The following AP1M1 variants were observed in gnomAD, a reference collection of about 807,000 sequenced individuals.
AP1M1 encodes adaptor related protein complex 1 subunit mu 1, also known as AP-1 complex subunit mu-1.
A neutral mutation model predicts 57.1 loss-of-function variants in AP1M1; 18 were observed. The observed-to-expected ratio is 0.32, with a 90% CI of 0.22 to 0.47. AP1M1 has a LOEUF of 0.47. AP1M1 is among the 20% of genes least tolerant of loss of function. The pLI is 1.00. For missense variants in AP1M1, 362 were observed against 593.5 expected (o/e 0.61, Z 4.05); for synonymous variants, 241 against 237.9 (o/e 1.01, Z -0.12).
chr19:16,197,975 T>TCGCTGCCGCCGCCACCGCCCTCTGC lies in AP1M1; in HGVS notation c.-30_-29insTGCCGCTGCCGCCGCCACCGCCCTC. 2.1e-6 allele frequency: 3 copies of TCGCTGCCGCCGCCACCGCCCTCTGC among 1,451,818 alleles called. No homozygotes were observed. Among genetic ancestry groups the TCGCTGCCGCCGCCACCGCCCTCTGC allele is most frequent in the Non-Finnish European group, 2.8e-6 (3 of 1,087,932 alleles). The allele number at this position is 1,451,818 out of a possible 1,614,324, so 89.9% of individuals were successfully genotyped here. A position where few individuals can be genotyped will look rare whatever the true frequency, so the allele number is the denominator to read the frequency against. ...GCTCAACGCCCAGCAGTCCCCACCGTCGCTGCCGCCGCCACCGCCCTCGGC... is the reference window on the plus strand; with the variant it reads ...GCTCAACGCCCAGCAGTCCCCACCGTCGCTGCCGCCGCCACCGCCCTCTGCCGCTGCCGCCGCCACCGCCCTCGGC... On this transcript the variant is annotated 5_prime_UTR_variant, in exon 1 of 12. Transcript: ENST00000291439.
chr19:16,224,330 G>A (rs2091560462), intron 5 of AP1M1, among the ~76,000 whole-genome samples: 1 of 152,220 alleles, frequency 6.6e-6, no homozygotes, highest in South Asian at 2.1e-4. Context: ...CTAGGGCTGC[G>A]GGGGTCCCCG....
intron 5 of AP1M1, among the ~76,000 whole-genome samples, chr19:16,224,897 C>T (rs2091564499): frequency 6.6e-6 from 1 of 152,172 alleles, no homozygotes; most frequent in South Asian, 2.1e-4. Flanking sequence ...CTGAGCACCT[C>T]CTGCCACACA....
intron 4 of AP1M1, chr19:16,208,736 C>G (rs1432456570): frequency 3.2e-6 from 1 of 315,376 alleles, no homozygotes; most frequent in Non-Finnish European, 5.9e-6. Flanking sequence ...GCAGCTCACA[C>G]CCACTTCTTG....
At chr19:16,216,221 G>A (rs1209045155) in intron 5 of AP1M1, among the ~76,000 whole-genome samples, 1 of 152,054 alleles carries the variant, frequency 6.6e-6, no homozygotes, top group Non-Finnish European at 1.5e-5. Context: ...CAAGGTGGGC[G>A]GATCACAAGG....
Position 16,234,470 on chromosome 19 carries a change from TCCTGGTGGCAGCACCAGGGGACACA to T in AP1M1, c.*40_*64del. Reference sequence around the variant, plus strand: ...GCAGCCAACACCCCGGCCTCGGGGCTCCTGGTGGCAGCACCAGGGGACACACCTGCCAAACCCACCAGATGGAGGG... The same window carrying T: ...GCAGCCAACACCCCGGCCTCGGGGCTCCTGCCAAACCCACCAGATGGAGGG... On this transcript the variant is annotated 3_prime_UTR_variant, in exon 12 of 12. Coordinates refer to ENST00000291439, the MANE Select transcript of AP1M1 (RefSeq NM_032493.4). 6.2e-7 allele frequency: 1 copy of T among 1,612,704 alleles called. No homozygotes were observed. Among genetic ancestry groups the T allele is most frequent in the Non-Finnish European group, 8.5e-7 (1 of 1,179,694 alleles).
chr19:16,226,898 G>A (rs1458021437), intron 6 of AP1M1, among the ~76,000 whole-genome samples: 13 of 152,190 alleles, frequency 8.5e-5, no homozygotes, highest in Non-Finnish European at 1.5e-4. Flanking sequence ...CCCTAGGTGT[G>A]GGCCGTGTGA....
rs2091614834 is a variant in AP1M1, at chr19:16,234,437, G to A, written c.*2G>A. ...GATTACCAGCTCCGGACCCAGTGAG[G>A]GGCTGTCGCAGCCAACACCCCGGCC... On this transcript the variant is annotated 3_prime_UTR_variant, in exon 12 of 12. Transcript: ENST00000291439. The A allele has an allele frequency of 3.7e-6, 6 of 1,613,582 alleles. No individual in the cohort carries two copies. The South Asian group carries it at 4.4e-5, about 12-fold the overall frequency.
chr19:16,201,139 C>T (rs2091445121), intron 1 of AP1M1, among the ~76,000 whole-genome samples: 1 of 152,190 alleles, frequency 6.6e-6, no homozygotes, highest in South Asian at 2.1e-4. Context: ...TTATCCTCGC[C>T]TCCTTTGTCT....
In AP1M1 at chr19:16,207,356, T is replaced by C. The variant is rs1416981531; in HGVS notation, c.268-663T>C. On this transcript the variant is annotated intron_variant, in intron 3 of 11. Coordinates refer to ENST00000291439, the MANE Select transcript of AP1M1 (RefSeq NM_032493.4). This position sits in a 1 kb window ranked among gnomAD's most constrained non-coding sequence, Gnocchi z 4.2. ...AGGGCTGCCTTCACTGGACCGGTGA[T>C]GCTGTCACAGGCAGGGCTGGGCCTG... Among the ~76,000 whole-genome samples, 5 of 151,836 alleles carry C rather than the reference T, an allele frequency of 3.3e-5. No homozygotes were observed. The highest frequency in any genetic ancestry group is 1.3e-4 in the Admixed American group (2 of 15,254).
chr19:16,212,211 G>T (rs2091497580), intron 5 of AP1M1, among the ~76,000 whole-genome samples: 2 of 152,112 alleles, frequency 1.3e-5, no homozygotes, highest in South Asian at 4.1e-4. Context: ...ATAGAATTCA[G>T]CTGTGAGTCC....
chr19:16,205,015 A>G (rs1283230264), intron 2 of AP1M1, among the ~76,000 whole-genome samples: 1 of 151,762 alleles, frequency 6.6e-6, no homozygotes, highest in Non-Finnish European at 1.5e-5. Flanking sequence ...GTATTTTTTT[A>G]GTAGAGACAG....
At chr19:16,220,383 G>GT (rs935475514) in intron 5 of AP1M1, among the ~76,000 whole-genome samples, 18 of 151,636 alleles carry the variant, frequency 1.2e-4, no homozygotes, top group African/African-American at 4.4e-4. Context: ...GGCTTTTGGG[G>GT]TTTTTTTGTT....
intron 5 of AP1M1, among the ~76,000 whole-genome samples, chr19:16,214,751 A>C (rs769671549): frequency 6.6e-6 from 1 of 150,912 alleles, no homozygotes. Flanking sequence ...GATCTTTTTT[A>C]TTCTTCTTTT....
At chr19:16,215,206 G>A (rs1161744896) in intron 5 of AP1M1, among the ~76,000 whole-genome samples, 1 of 45,534 alleles carries the variant, frequency 2.2e-5, no homozygotes, top group Admixed American at 1.9e-4. Context: ...GGGGCGGGGG[G>A]GGGGGAGAGG....
intron 9 of AP1M1, among the ~76,000 whole-genome samples, chr19:16,229,262 CG>C (rs1019104986): frequency 3.9e-5 from 6 of 152,230 alleles, no homozygotes; most frequent in African/African-American, 1.4e-4. Context: ...GAAGGAGCCC[CG>C]TCCACACTGG....
rs767905458 is a variant in AP1M1 at position 16,226,403 on chromosome 19, C to T, written c.547-18C>T. On this transcript the variant is annotated intron_variant, in intron 5 of 11. Transcript: ENST00000291439. ...GTGAGTTGGGGACCTCCCCTCACGC[C>T]CACACCGCCACCCCCAGGTCAGCGC... 2.8e-5 allele frequency: 43 copies of T among 1,519,640 alleles called. 1 individual carries two copies. In the South Asian group the frequency reaches 4.9e-4, roughly 17 times the overall value. 94.1% of individuals were successfully genotyped at this position (1,519,640 alleles called of 1,614,324 possible).
intron 5 of AP1M1, among the ~76,000 whole-genome samples, chr19:16,223,194 G>A (rs749501081): frequency 9.9e-5 from 15 of 152,198 alleles, no homozygotes; most frequent in Non-Finnish European, 2.1e-4. Flanking sequence ...TGAGCATCAC[G>A]TCAGTTTTTA....
At chr19:16,199,814 C>T (rs12978104) in intron 1 of AP1M1, among the ~76,000 whole-genome samples, 100,929 of 151,992 alleles carry the variant, frequency 0.66, 35,522 homozygotes, top group Non-Finnish European at 0.8. Context: ...CCACTGCCTC[C>T]CCAGAGGTGC....
At chr19:16,200,946 G>A (rs1227143913) in intron 1 of AP1M1, among the ~76,000 whole-genome samples, 1 of 151,982 alleles carries the variant, frequency 6.6e-6, no homozygotes, top group Non-Finnish European at 1.5e-5. Flanking sequence ...CATGTCCATG[G>A]GCCAGTGACT....
Sources: allele counts gnomAD v4.1 joint callset (sites outside exome capture counted in the v4.1 genomes callset), GRCh38; gene constraint gnomAD v4.1.1; non-coding constraint Gnocchi (gnomAD v3.1); transcripts MANE v1.5; gene names NCBI Gene and HGNC (gene_info 2026-07-23, HGNC 2026-07-21).